The following FRMD4B variants were observed in gnomAD, a reference collection of about 807,000 sequenced individuals.
FRMD4B encodes the protein FERM domain-containing protein 4B.
In FRMD4B, 74 loss-of-function variants were observed where a neutral mutation model predicts 141.5. The ratio of observed to expected loss-of-function variants is 0.52; its 90% CI spans 0.43 to 0.63. FRMD4B has a LOEUF of 0.63. Among genes scored for constraint, FRMD4B ranks in the 30% least tolerant of loss-of-function variants. FRMD4B has a pLI of 0.00. For synonymous variants in FRMD4B, 506 were observed against 467.9 expected, an observed-to-expected ratio of 1.08 and a Z score of -1.05; for missense variants, 1,366 against 1,253.4, an observed-to-expected ratio of 1.09 and a Z score of -1.36.
At chr3:69,385,756 CA>C in intron 1 of FRMD4B, 71 bp downstream of exon 1, 1 of 1,292,120 alleles carries the variant, frequency 7.7e-7, no homozygotes, top group Admixed American at 2.9e-5. Context: ...TAAAATCATA[CA>C]GGTGGAGCCT....
chr3:69,216,828 T>C (rs1413638221), intron 10 of FRMD4B, among the ~76,000 whole-genome samples: 1 of 151,904 alleles, frequency 6.6e-6, no homozygotes, highest in Non-Finnish European at 1.5e-5. Context: ...CTACTTGGAG[T>C]TTCTTCAAAT....
At position 69,181,306 on chromosome 3, in the gene FRMD4B, C is replaced by T. The variant is rs2092705108; in HGVS notation, c.2444G>A (p.Cys815Tyr). 7 of 1,613,970 alleles carry T rather than the reference C, an allele frequency of 4.3e-6. No homozygotes were observed. The South Asian group carries it at 6.6e-5, about 15-fold the overall frequency. The change falls in exon 21 of 23, where the codon TGT becomes TAT. Residue 815 changes from cysteine to tyrosine, a missense_variant. Coordinates refer to ENST00000398540, the MANE Select transcript of FRMD4B (RefSeq NM_015123.3). ...YIAGYTPYAE[C>Y]DFYYSGGYVY... Reference sequence around the variant, plus strand: ...ATAACCACCACTGTAATAAAAGTCACACTCTGCATAGGGTGTGTACCCGGC... The same window carrying T: ...ATAACCACCACTGTAATAAAAGTCATACTCTGCATAGGGTGTGTACCCGGC...
chr3:69,525,515 T>C lies in FRMD4B; in HGVS notation c.-129+16691A>G, dbSNP rs190335745. ...TCATAATCAACACATGCAGATCCACTGTATGTAGGCTTTGAGGATTCACAA... is the reference window on the plus strand; with the variant it reads ...TCATAATCAACACATGCAGATCCACCGTATGTAGGCTTTGAGGATTCACAA... On this transcript the variant is annotated intron_variant, in intron 1 of 5. Transcript: ENST00000459638. Among the ~76,000 whole-genome samples the C allele has an allele frequency of 7.3e-4, 111 of 152,340 alleles. 1 individual carries two copies. Among genetic ancestry groups the C allele is most frequent in the African/African-American group, 2.6e-3 (107 of 41,576 alleles).
chr3:69,526,428 GTCT>G (rs1310698450), intron 1 of FRMD4B, among the ~76,000 whole-genome samples: 2 of 152,130 alleles, frequency 1.3e-5, no homozygotes, highest in African/African-American at 4.8e-5. Flanking sequence ...ACTACTTGTA[GTCT>G]ATCTCAGGAT....
At chr3:69,400,386 G>GA (rs71115692) in intron 2 of FRMD4B, among the ~76,000 whole-genome samples, 7 of 149,840 alleles carry the variant, frequency 4.7e-5, no homozygotes, top group Non-Finnish European at 8.9e-5. Flanking sequence ...TGTCTCTCAA[G>GA]AAAAAAAAAA....
In FRMD4B at chr3:69,316,838, C is replaced by A. The variant is rs1701816836; in HGVS notation, c.163-3321G>T. Among the ~76,000 whole-genome samples the A allele has an allele frequency of 2.0e-5, 3 of 152,208 alleles. No individual in the cohort carries two copies. The South Asian group carries it at 6.2e-4, about 31-fold the overall frequency. On this transcript the variant is annotated intron_variant, in intron 1 of 22. Coordinates refer to ENST00000398540, the MANE Select transcript of FRMD4B (RefSeq NM_015123.3). ...AGTTTATTTCCTGACTTTAAAAAAT[C>A]AGGCTGGGTGTGTTGGCTCACACCT...
At chr3:69,373,324 A>T (rs533060482) in intron 1 of FRMD4B, among the ~76,000 whole-genome samples, 2 of 152,340 alleles carry the variant, frequency 1.3e-5, no homozygotes, top group African/African-American at 4.8e-5. Context: ...AAATGTAGAA[A>T]AGGAAGAGGC....
At chr3:69,372,186 A>G (rs1293410731) in intron 1 of FRMD4B, among the ~76,000 whole-genome samples, 1 of 152,070 alleles carries the variant, frequency 6.6e-6, no homozygotes, top group African/African-American at 2.4e-5. Flanking sequence ...TCATCCTTTG[A>G]GTCTTGACAT....
At chr3:69,356,950 A>T (rs1473517684) in intron 1 of FRMD4B, among the ~76,000 whole-genome samples, 3 of 152,196 alleles carry the variant, frequency 2.0e-5, no homozygotes, top group Non-Finnish European at 4.4e-5. Context: ...TCTGATTTTT[A>T]AACAAAACTT....
chr3:69,188,487 T>TG (rs1559697195), intron 18 of FRMD4B, among the ~76,000 whole-genome samples: 1 of 152,090 alleles, frequency 6.6e-6, no homozygotes, highest in Non-Finnish European at 1.5e-5. Context: ...CCATAAAACT[T>TG]GGGGAAGAGC....
At chr3:69,364,371 C>A (rs1425095523) in intron 1 of FRMD4B, among the ~76,000 whole-genome samples, 1 of 152,156 alleles carries the variant, frequency 6.6e-6, no homozygotes, top group Non-Finnish European at 1.5e-5. Context: ...TGCGCTGGGA[C>A]CTGCCATTTT....
At chr3:69,250,726 C>CTT (rs543092302) in intron 5 of FRMD4B, among the ~76,000 whole-genome samples, 1,605 of 134,336 alleles carry the variant, frequency 0.012, 21 homozygotes, top group East Asian at 0.074. Context: ...ATCAGTTTTC[C>CTT]TTTTTTTTTT....
chr3:69,173,780 A>C (rs2092613326), intron 22 of FRMD4B, among the ~76,000 whole-genome samples: 1 of 152,190 alleles, frequency 6.6e-6, no homozygotes, highest in Non-Finnish European at 1.5e-5. Context: ...AACTCTACTT[A>C]TTGGAATATA....
At chr3:69,450,082 G>A (rs143294055) in intron 1 of FRMD4B, among the ~76,000 whole-genome samples, 1 of 152,288 alleles carries the variant, frequency 6.6e-6, no homozygotes, top group African/African-American at 2.4e-5. Flanking sequence ...GGAGAACGAG[G>A]TCACTGATTT....
At chr3:69,465,665 T>C (rs1323198579) in intron 1 of FRMD4B, among the ~76,000 whole-genome samples, 2 of 151,984 alleles carry the variant, frequency 1.3e-5, no homozygotes, top group African/African-American at 4.8e-5. Context: ...CTTGTGATAG[T>C]TTACTGAGAA....
intron 1 of FRMD4B, among the ~76,000 whole-genome samples, chr3:69,524,060 T>TTTAGCA (rs1173311697): frequency 4.6e-5 from 7 of 152,212 alleles, no homozygotes; most frequent in Middle Eastern, 3.2e-3. Context: ...CATATGCTCA[T>TTTAGCA]TTACCATAGA....
intron 5 of FRMD4B, among the ~76,000 whole-genome samples, chr3:69,258,285 T>A (rs2093505037): frequency 7.0e-6 from 1 of 141,888 alleles, no homozygotes; most frequent in African/African-American, 2.5e-5. Context: ...AGTATTTAAT[T>A]TTTTTTATTG....
intron 21 of FRMD4B, among the ~76,000 whole-genome samples, chr3:69,178,475 T>G (rs1447905136): frequency 6.6e-6 from 1 of 151,910 alleles, no homozygotes; most frequent in African/African-American, 2.4e-5. Flanking sequence ...AGCTAGGGCT[T>G]AGAGGCCAGC....
intron 1 of FRMD4B, among the ~76,000 whole-genome samples, chr3:69,528,284 TCC>T (rs1249664006): frequency 5.6e-4 from 82 of 146,172 alleles, no homozygotes; most frequent in African/African-American, 2.0e-3. Flanking sequence ...CTTCCTTCCT[TCC>T]TTTTCTTCCT....
Sources: gnomAD v4.1 joint callset for allele counts (sites outside exome capture counted in the v4.1 genomes callset) on GRCh38, gnomAD v4.1.1 for gene constraint, MANE v1.5 for transcripts, NCBI Gene and HGNC (gene_info 2026-07-23, HGNC 2026-07-21) for gene names.